GREB1L: variants seen among roughly 807,000 people sequenced by gnomAD.
GREB1L encodes the protein GREB1 like retinoic acid receptor coactivator, also known as GREB1-like protein.
A neutral mutation model predicts 200.8 loss-of-function variants in GREB1L; 17 were observed. The ratio of observed to expected loss-of-function variants is 0.08; its 90% CI spans 0.06 to 0.13. The LOEUF (loss-of-function observed/expected upper bound fraction) is 0.13, where lower values mean the gene tolerates loss of function less well. Among genes scored for constraint, GREB1L ranks in the 10% least tolerant of loss-of-function variants. The probability of loss-of-function intolerance (pLI) is 1.00; values close to 1 mark genes in which losing one functional copy is unlikely to be tolerated. For missense variants in GREB1L, 1,657 were observed against 2,367.7 expected (o/e 0.70, Z 6.23); for synonymous variants, 789 against 893.0 (o/e 0.88, Z 2.08).
At chr18:21,298,181 T>C (rs2038560249) in intron 1 of GREB1L, among the ~76,000 whole-genome samples, 1 of 152,196 alleles carries the variant, frequency 6.6e-6, no homozygotes, top group Admixed American at 6.5e-5. Flanking sequence ...AGGGCCAAGC[T>C]AGAATTGTAC....
At chr18:21,379,244 T>G (rs1171038187) in intron 2 of GREB1L, among the ~76,000 whole-genome samples, 1 of 152,208 alleles carries the variant, frequency 6.6e-6, no homozygotes, top group African/African-American at 2.4e-5. Flanking sequence ...TTCGCTCTTG[T>G]TGCCCAGGCT....
chr18:21,372,180 G>T (rs1269737668), intron 2 of GREB1L, among the ~76,000 whole-genome samples: 2 of 145,560 alleles, frequency 1.4e-5, no homozygotes, highest in South Asian at 4.3e-4. Flanking sequence ...ACAGAGTCTC[G>T]CTCTGTTGCC....
intron 1 of GREB1L, among the ~76,000 whole-genome samples, chr18:21,291,157 TC>T (rs1434864382): frequency 6.6e-6 from 1 of 151,840 alleles, no homozygotes; most frequent in African/African-American, 2.4e-5. Flanking sequence ...CCTCTCCCAC[TC>T]CCCCCAGGCA....
At chr18:21,315,690 A>T (rs1224583384) in intron 1 of GREB1L, among the ~76,000 whole-genome samples, 1 of 152,142 alleles carries the variant, frequency 6.6e-6, no homozygotes, top group East Asian at 1.9e-4. Flanking sequence ...TAAATATTTT[A>T]AAGTTATAAA....
At chr18:21,258,627 A>C (rs1489336066) in intron 1 of GREB1L, among the ~76,000 whole-genome samples, 3 of 152,206 alleles carry the variant, frequency 2.0e-5, no homozygotes, top group African/African-American at 7.2e-5. Flanking sequence ...AAGCTAGTTC[A>C]GTAGCATTAT....
chr18:21,488,550 C>T (rs1248654121), intron 18 of GREB1L, among the ~76,000 whole-genome samples: 5 of 152,174 alleles, frequency 3.3e-5, no homozygotes, highest in Non-Finnish European at 7.3e-5. Flanking sequence ...CAAATGGCAA[C>T]CAGAAAGAAA....
chr18:21,347,011 A>G (rs918034244), intron 1 of GREB1L, among the ~76,000 whole-genome samples: 1 of 152,174 alleles, frequency 6.6e-6, no homozygotes, highest in Admixed American at 6.5e-5. Context: ...GGCTAATCGC[A>G]TGCCATGGGA....
At chr18:21,312,744 G>C (rs917661427) in intron 1 of GREB1L, among the ~76,000 whole-genome samples, 6 of 151,940 alleles carry the variant, frequency 3.9e-5, no homozygotes, top group Admixed American at 2.6e-4. Context: ...AATAGAGATG[G>C]GGTTTCACCA....
chr18:21,348,494 G>A (rs1466088273), intron 1 of GREB1L, among the ~76,000 whole-genome samples: 1 of 151,926 alleles, frequency 6.6e-6, no homozygotes, highest in African/African-American at 2.4e-5. Context: ...TAAAAATTAG[G>A]CCAGGCACAG....
Position 21,495,276 on chromosome 18 carries a change from T to A in GREB1L, c.3031-394T>A, listed in dbSNP as rs552047285. ...TTGAGTCATTCACAACTGAAACTCT[T>A]TTTCAGTCTTCCAATCCCAAGAATT... On this transcript the variant is annotated intron_variant, in intron 19 of 32. Coordinates refer to ENST00000424526, the MANE Select transcript of GREB1L (RefSeq NM_001142966.3). Among the ~76,000 whole-genome samples the A allele has an allele frequency of 9.8e-5, 15 of 152,328 alleles. 1 individual carries two copies. In the South Asian group the frequency reaches 2.3e-3, roughly 23 times the overall value.
chr18:21,252,550 T>TC (rs2143968533), intron 1 of GREB1L, among the ~76,000 whole-genome samples: 1 of 89,374 alleles, frequency 1.1e-5, no homozygotes, highest in African/African-American at 5.2e-5. Context: ...AGAGTGAAAC[T>TC]CCATCTGAAA....
In GREB1L at chr18:21,469,228, T is replaced by C. The variant is rs183612137; in HGVS notation, c.2183-3803T>C. Among the ~76,000 whole-genome samples, 301 of 152,348 alleles carry C rather than the reference T, an allele frequency of 2.0e-3. 1 individual carries two copies. Among genetic ancestry groups the C allele is most frequent in the African/African-American group, 6.5e-3 (272 of 41,588 alleles). On this transcript the variant is annotated intron_variant, in intron 15 of 32. Transcript: ENST00000424526. ...TTCCCTACATTTACTAGTAGGAGTT[T>C]GTTAATTAAATTCTGTAAGGAAAAG... is the stretch of plus-strand genomic sequence containing the variant.
At chr18:21,489,091 C>T (rs1054140022) in intron 18 of GREB1L, among the ~76,000 whole-genome samples, 1 of 152,182 alleles carries the variant, frequency 6.6e-6, no homozygotes, top group African/African-American at 2.4e-5. Flanking sequence ...TTTGCCCATT[C>T]GTACTCATTT....
intron 7 of GREB1L, among the ~76,000 whole-genome samples, chr18:21,429,109 C>T (rs564183889): frequency 1.0e-3 from 110 of 109,986 alleles, no homozygotes; most frequent in African/African-American, 4.4e-3. Flanking sequence ...AAACTATTCT[C>T]CCTTCCTTCC....
At chr18:21,429,745 C>T (rs531773588) in intron 7 of GREB1L, among the ~76,000 whole-genome samples, 3 of 152,240 alleles carry the variant, frequency 2.0e-5, no homozygotes, top group Admixed American at 2.0e-4. Flanking sequence ...GAATTTTTCT[C>T]TCTCCTTGAG....
chr18:21,477,449 A>G, intron 17 of GREB1L, 93 bp downstream of exon 17: 1 of 985,574 alleles, frequency 1.0e-6, no homozygotes, highest in African/African-American at 1.6e-5. Context: ...GCTTAAGACC[A>G]TATTCATAAG....
chr18:21,524,128 A>G lies in GREB1L; in HGVS notation c.*1307A>G, dbSNP rs2037646579. On this transcript the variant is annotated 3_prime_UTR_variant, in exon 33 of 33. Transcript: ENST00000424526. ...GTTTTCTCATTAGCCCATATTTACT[A>G]CTTTATCCCCACTTAAAATGGCCAT... 1 of 152,186 alleles carries G rather than the reference A, an allele frequency of 6.6e-6. No individual in the cohort carries two copies. The highest frequency in any genetic ancestry group is 1.5e-5 in the Non-Finnish European group (1 of 68,032). 9.4% of individuals were successfully genotyped at this position (152,186 alleles called of 1,614,324 possible).
chr18:21,336,761 C>T (rs2039191848), intron 1 of GREB1L, among the ~76,000 whole-genome samples: 1 of 152,118 alleles, frequency 6.6e-6, no homozygotes, highest in South Asian at 2.1e-4. Flanking sequence ...GGCAGCGGCA[C>T]CATGATTTCT....
At chr18:21,420,892 A>C (rs1474473771) in intron 7 of GREB1L, among the ~76,000 whole-genome samples, 1 of 152,244 alleles carries the variant, frequency 6.6e-6, no homozygotes, top group South Asian at 2.1e-4. Context: ...CCAAAAGTCT[A>C]TAACAGGTGA....
Sources: gnomAD v4.1 joint callset for allele counts (sites outside exome capture counted in the v4.1 genomes callset) on GRCh38, gnomAD v4.1.1 for gene constraint, MANE v1.5 for transcripts, NCBI Gene and HGNC (gene_info 2026-07-23, HGNC 2026-07-21) for gene names.